Variants in HYCC1 observed in about 807,000 individuals in gnomAD.
HYCC1 encodes the protein hyccin.
At chr7:22,989,040 T>C in the HYCC1 span, among the ~76,000 whole-genome samples, 1 of 152,152 alleles carries the variant, frequency 6.6e-6, no homozygotes, top group Admixed American at 6.6e-5. Flanking sequence ...TGGTTTTCCA[T>C]TTTTTACCTT....
At chr7:22,907,693 T>C in the HYCC1 span, among the ~76,000 whole-genome samples, 1 of 152,088 alleles carries the variant, frequency 6.6e-6, no homozygotes, top group Non-Finnish European at 1.5e-5. Flanking sequence ...GTGGATCACT[T>C]GATGTCAGGA....
the HYCC1 span, among the ~76,000 whole-genome samples, chr7:22,929,512 C>G: frequency 1.3e-5 from 2 of 151,970 alleles, no homozygotes; most frequent in Admixed American, 1.3e-4. Flanking sequence ...AACAAACAAC[C>G]GCATCAAAAA....
At chr7:23,000,919 AG>A in the HYCC1 span, among the ~76,000 whole-genome samples, 1 of 91,996 alleles carries the variant, frequency 1.1e-5, no homozygotes, top group African/African-American at 3.8e-5. Flanking sequence ...AAGTTAAAGA[AG>A]TTTTTTTTTT....
the HYCC1 span, among the ~76,000 whole-genome samples, chr7:23,001,035 G>A: frequency 6.6e-6 from 1 of 151,952 alleles, no homozygotes; most frequent in Non-Finnish European, 1.5e-5. Flanking sequence ...ATTTGACCAT[G>A]GGATCCTTTG....
the HYCC1 span, among the ~76,000 whole-genome samples, chr7:22,981,630 T>C: frequency 6.6e-6 from 1 of 152,290 alleles, no homozygotes. Context: ...TCGGAAAGTG[T>C]GGTCCTGAGG....
At chr7:22,945,942 A>C in the HYCC1 span, 1 of 1,613,780 alleles carries the variant, frequency 6.2e-7, no homozygotes, top group Non-Finnish European at 8.5e-7. Context: ...TTTCGAGCAA[A>C]GTGATCTTTG....
the HYCC1 span, among the ~76,000 whole-genome samples, chr7:23,013,309 G>A: frequency 6.6e-6 from 1 of 152,258 alleles, no homozygotes; most frequent in Non-Finnish European, 1.5e-5. Flanking sequence ...GGAAGGAAGC[G>A]TGGCTGCTGT....
the HYCC1 span, among the ~76,000 whole-genome samples, chr7:22,901,636 T>C: frequency 5.9e-5 from 9 of 152,252 alleles, no homozygotes; most frequent in South Asian, 8.3e-4. Context: ...AGAGGATATA[T>C]TGATATCAGA....
chr7:22,993,937 T>C, the HYCC1 span, among the ~76,000 whole-genome samples: 1 of 152,196 alleles, frequency 6.6e-6, no homozygotes, highest in African/African-American at 2.4e-5. Context: ...ATATGTTCTC[T>C]GAAAGCTATG....
At chr7:22,978,118 A>G in the HYCC1 span, 3 of 711,388 alleles carry the variant, frequency 4.2e-6, no homozygotes, top group East Asian at 5.4e-5. Flanking sequence ...ATGTCTCCCA[A>G]TCCCCAGAAA....
the HYCC1 span, among the ~76,000 whole-genome samples, chr7:22,923,197 A>T: frequency 6.6e-6 from 1 of 152,220 alleles, no homozygotes; most frequent in African/African-American, 2.4e-5. Context: ...AAGGACATAC[A>T]TAATACAAAG....
chr7:22,983,222 G>T, the HYCC1 span, among the ~76,000 whole-genome samples: 1 of 151,818 alleles, frequency 6.6e-6, no homozygotes, highest in Non-Finnish European at 1.5e-5. Flanking sequence ...CCAGCTATTG[G>T]GGGTGCTGAG....
the HYCC1 span, among the ~76,000 whole-genome samples, chr7:22,977,003 T>A: frequency 6.6e-6 from 1 of 152,132 alleles, no homozygotes; most frequent in Non-Finnish European, 1.5e-5. Flanking sequence ...AAATAAAAAT[T>A]AGTTTAATTT....
chr7:22,916,513 C>T, the HYCC1 span, among the ~76,000 whole-genome samples: 1 of 152,320 alleles, frequency 6.6e-6, no homozygotes, highest in African/African-American at 2.4e-5. Context: ...AAAATTCTTA[C>T]ACAAGAGCCA....
the HYCC1 span, among the ~76,000 whole-genome samples, chr7:22,968,121 G>A: frequency 6.6e-6 from 1 of 152,042 alleles, no homozygotes; most frequent in South Asian, 2.1e-4. Flanking sequence ...CTTTCCCCCA[G>A]CAATTTTAGC....
At chr7:22,955,488 G>A in the HYCC1 span, among the ~76,000 whole-genome samples, 1 of 151,420 alleles carries the variant, frequency 6.6e-6, no homozygotes, top group Admixed American at 6.6e-5. Context: ...TTGATTAGTT[G>A]GCAAAAAATA....
the HYCC1 span, among the ~76,000 whole-genome samples, chr7:22,903,993 T>C: frequency 2.0e-5 from 3 of 152,328 alleles, no homozygotes; most frequent in South Asian, 6.2e-4. Context: ...TATTTTTACC[T>C]AGAAGTAGAT....
the HYCC1 span, among the ~76,000 whole-genome samples, chr7:22,919,702 T>G: frequency 6.6e-6 from 1 of 151,862 alleles, no homozygotes; most frequent in Non-Finnish European, 1.5e-5. Flanking sequence ...AGATTTAAAG[T>G]GTCAGAAGAA....
the HYCC1 span, among the ~76,000 whole-genome samples, chr7:22,969,525 GT>G: frequency 0.62 from 83,639 of 133,974 alleles, 24,839 homozygotes; most frequent in Non-Finnish European, 0.64. Context: ...TTTTTTTTTG[GT>G]TTTTTTTTTT....
Sources: gnomAD v4.1 joint callset for allele counts (sites outside exome capture counted in the v4.1 genomes callset) on GRCh38, gnomAD v4.1.1 for gene constraint, MANE v1.5 for transcripts, NCBI Gene and HGNC (gene_info 2026-07-23, HGNC 2026-07-21) for gene names.